COL23A1: variants seen among roughly 807,000 people sequenced by gnomAD.
The protein encoded by COL23A1 is collagen type XXIII alpha 1 chain, also known as collagen alpha-1(XXIII) chain.
Under a neutral mutation model 99.3 loss-of-function variants are expected in COL23A1, and 97 were observed. The observed-to-expected ratio is 0.98, with a 90% CI of 0.83 to 1.16. The LOEUF (loss-of-function observed/expected upper bound fraction) is 1.16, where lower values mean the gene tolerates loss of function less well. Ranked by LOEUF, COL23A1 falls within the 50% of genes most tolerant of loss-of-function variation. The probability of loss-of-function intolerance (pLI) is 0.00; values close to 1 mark genes in which losing one functional copy is unlikely to be tolerated. For synonymous variants in COL23A1, 320 were observed against 308.2 expected, an observed-to-expected ratio of 1.04 and a Z score of -0.40; for missense variants, 762 against 757.4, an observed-to-expected ratio of 1.01 and a Z score of -0.07.
intron 2 of COL23A1, among the ~76,000 whole-genome samples, chr5:178,333,224 G>A (rs920793504): frequency 6.6e-6 from 1 of 152,158 alleles, no homozygotes. Flanking sequence ...CCAGAGTGCT[G>A]GCATTACAGG....
chr5:178,566,498 T>C (rs1397619835), intron 1 of COL23A1, among the ~76,000 whole-genome samples: 3 of 152,104 alleles, frequency 2.0e-5, no homozygotes, highest in African/African-American at 4.8e-5. Flanking sequence ...CTAAGTAACG[T>C]TGCAAAATGG....
At chr5:178,260,598 C>T (rs1005032293) in intron 11 of COL23A1, among the ~76,000 whole-genome samples, 2 of 151,890 alleles carry the variant, frequency 1.3e-5, no homozygotes, top group Admixed American at 1.3e-4. Context: ...AGTTCGAGGC[C>T]AGCCTGACCA....
At chr5:178,462,322 A>T (rs1472987861) in intron 2 of COL23A1, among the ~76,000 whole-genome samples, 2 of 152,222 alleles carry the variant, frequency 1.3e-5, no homozygotes, top group East Asian at 3.8e-4. Context: ...CAGTAATGAA[A>T]ATTCAACATT....
chr5:178,271,860 C>T (rs1193859751), intron 5 of COL23A1, among the ~76,000 whole-genome samples: 1 of 152,160 alleles, frequency 6.6e-6, no homozygotes, highest in Non-Finnish European at 1.5e-5. Context: ...CTGGCCAAGG[C>T]GGGATGGGGG....
chr5:178,335,743 C>A (rs561300153), intron 2 of COL23A1, among the ~76,000 whole-genome samples: 5 of 152,312 alleles, frequency 3.3e-5, no homozygotes, highest in African/African-American at 1.2e-4. Flanking sequence ...GCTCCCAGGT[C>A]TAGGAACTAG....
At chr5:178,399,007 A>T (rs1235553876) in intron 2 of COL23A1, among the ~76,000 whole-genome samples, 2 of 152,244 alleles carry the variant, frequency 1.3e-5, no homozygotes, top group East Asian at 3.9e-4. Context: ...TCCAGCGTAC[A>T]GCAGTGCCCT....
intron 2 of COL23A1, chr5:178,344,895 T>C: frequency 1.3e-6 from 1 of 774,018 alleles, no homozygotes; most frequent in Non-Finnish European, 2.2e-6. Context: ...ATGTGGACAG[T>C]CTCAGGGACA....
intron 3 of COL23A1, among the ~76,000 whole-genome samples, chr5:178,291,703 G>C (rs57526799): frequency 0.035 from 5,355 of 152,214 alleles, 119 homozygotes; most frequent in Middle Eastern, 0.068. Context: ...AGTGCACCTG[G>C]AGATGCGCTG....
intron 1 of COL23A1, among the ~76,000 whole-genome samples, chr5:178,579,578 C>G (rs535038283): frequency 2.0e-5 from 3 of 152,232 alleles, no homozygotes. Flanking sequence ...CTCAGCTTCC[C>G]GAGTAGCTCG....
At chr5:178,328,984 G>A (rs1053218917) in intron 2 of COL23A1, among the ~76,000 whole-genome samples, 3 of 152,302 alleles carry the variant, frequency 2.0e-5, no homozygotes, top group East Asian at 1.9e-4. Context: ...AGCCAACCCC[G>A]GGAGGCTCTA....
At chr5:178,329,992 C>T (rs1405723631) in intron 2 of COL23A1, among the ~76,000 whole-genome samples, 1 of 151,820 alleles carries the variant, frequency 6.6e-6, no homozygotes, top group Non-Finnish European at 1.5e-5. Flanking sequence ...CAGTGGCCTG[C>T]TCCCTGGTGT....
chr5:178,247,485 C>A (rs370845818), intron 22 of COL23A1, 41 bp downstream of exon 22: 1 of 1,611,304 alleles, frequency 6.2e-7, no homozygotes, highest in Admixed American at 1.7e-5. Context: ...ACTGCCCAGA[C>A]GGTGAGTCTG....
chr5:178,474,347 T>C (rs1756918146), intron 2 of COL23A1, among the ~76,000 whole-genome samples: 1 of 152,236 alleles, frequency 6.6e-6, no homozygotes, highest in South Asian at 2.1e-4. Context: ...TGAAATTTAG[T>C]TCCCAAATAT....
chr5:178,241,268 CACCAGTGCCTGAA>C (rs1365516195), intron 27 of COL23A1, among the ~76,000 whole-genome samples: 2 of 152,056 alleles, frequency 1.3e-5, no homozygotes, highest in Non-Finnish European at 2.9e-5. Flanking sequence ...TTGTTTCAGG[CACCAGTGCCTGAA>C]ACCACTGGGG....
chr5:178,535,702 T>A (rs1029733547), intron 2 of COL23A1, among the ~76,000 whole-genome samples: 1 of 152,232 alleles, frequency 6.6e-6, no homozygotes, highest in Non-Finnish European at 1.5e-5. Context: ...CCCATCACCC[T>A]GCATCCTGTC....
At chr5:178,357,335 G>A (rs772589367) in intron 2 of COL23A1, among the ~76,000 whole-genome samples, 22 of 152,062 alleles carry the variant, frequency 1.4e-4, no homozygotes, top group Admixed American at 1.4e-3. Context: ...TGAGCCGGCG[G>A]AAGTGCCTCT....
At chr5:178,470,135 G>A (rs987337253) in intron 2 of COL23A1, among the ~76,000 whole-genome samples, 4 of 152,332 alleles carry the variant, frequency 2.6e-5, no homozygotes, top group African/African-American at 9.6e-5. Context: ...CAGAGCAGCT[G>A]GCGGGCTAAA....
At chr5:178,316,952 G>C (rs562303694) in intron 2 of COL23A1, among the ~76,000 whole-genome samples, 7 of 152,106 alleles carry the variant, frequency 4.6e-5, no homozygotes, top group African/African-American at 1.4e-4. Flanking sequence ...CACTCTGGTC[G>C]GCTTATTCTA....
chr5:178,558,918 A>G (rs1317665235), intron 2 of COL23A1, among the ~76,000 whole-genome samples: 1 of 151,874 alleles, frequency 6.6e-6, no homozygotes, highest in Admixed American at 6.6e-5. Context: ...CCTCCCAAGT[A>G]GCTGTGACTA....
Sources: gnomAD v4.1 joint callset for allele counts (sites outside exome capture counted in the v4.1 genomes callset) on GRCh38, gnomAD v4.1.1 for gene constraint, MANE v1.5 for transcripts, NCBI Gene and HGNC (gene_info 2026-07-23, HGNC 2026-07-21) for gene names.